Variants in HS2ST1 observed in about 807,000 individuals in gnomAD.
The protein encoded by HS2ST1 is 2-O-sulfotransferase.
HS2ST1 carries 18 observed loss-of-function variants against 42.9 expected under a neutral mutation model. The observed-to-expected ratio is 0.42, with a 90% CI of 0.29 to 0.62. The LOEUF is 0.62. Among genes scored for constraint, HS2ST1 ranks in the 20% least tolerant of loss-of-function variants. The pLI is 0.21. For missense variants in HS2ST1, 334 were observed against 433.8 expected (o/e 0.77, Z 2.04); for synonymous variants, 146 against 152.9 (o/e 0.95, Z 0.33).
intron 1 of HS2ST1, among the ~76,000 whole-genome samples, chr1:86,931,608 A>T (rs949794025): frequency 1.3e-5 from 2 of 152,076 alleles, no homozygotes; most frequent in Non-Finnish European, 2.9e-5. Context: ...GCATCTAGTG[A>T]TAAGAATTGA....
intron 1 of HS2ST1, among the ~76,000 whole-genome samples, chr1:87,050,697 A>G (rs1650809019): frequency 6.6e-6 from 1 of 152,130 alleles, no homozygotes; most frequent in Admixed American, 6.5e-5. Flanking sequence ...AATTTGTTAT[A>G]CCCTGTAATC....
intron 5 of HS2ST1, among the ~76,000 whole-genome samples, chr1:87,101,166 T>TTTG: frequency 8.2e-6 from 1 of 121,532 alleles, no homozygotes; most frequent in Non-Finnish European, 1.8e-5. Flanking sequence ...GTTTTTTTTT[T>TTTG]TTTTTTTTTT....
intron 1 of HS2ST1, among the ~76,000 whole-genome samples, chr1:86,984,447 A>G (rs980859505): frequency 4.6e-5 from 7 of 152,224 alleles, no homozygotes; most frequent in Non-Finnish European, 7.3e-5. Flanking sequence ...GAAGTGAGAG[A>G]AAATGGAGGT....
Position 86,971,288 on chromosome 1 carries a change from AAAAACAAAAC to A in HS2ST1, c.124+56148_124+56157del, listed in dbSNP as rs530493574. ...CTCCTCTGATTCCTGTCATTATTTA[AAAAACAAAAC>A]AAAACAAAACAAAACAAAAAAAAAC... On this transcript the variant is annotated intron_variant, in intron 1 of 6. Coordinates refer to ENST00000370550, the MANE Select transcript of HS2ST1 (RefSeq NM_012262.4). Among the ~76,000 whole-genome samples, 503 of 152,210 alleles carry A rather than the reference AAAAACAAAAC, an allele frequency of 3.3e-3. 2 individuals are homozygous for A. The highest frequency in any genetic ancestry group is 1.0e-2 in the African/African-American group (415 of 41,512).
rs192014515 is a variant in HS2ST1, at chr1:87,071,080, A to G, written c.125-1854A>G. 4.3e-4 allele frequency among the ~76,000 whole-genome samples: 66 copies of G among 152,350 alleles called. No individual in the cohort carries two copies. In the East Asian group the frequency reaches 8.9e-3, roughly 21 times the overall value. On this transcript the variant is annotated intron_variant, in intron 1 of 6. Coordinates refer to ENST00000370550, the MANE Select transcript of HS2ST1 (RefSeq NM_012262.4). The stretch of plus-strand genomic sequence containing the variant: ...AGAATAAAAGAGTATGTATATTTGC[A>G]TATAAATATATAACACATACGTATA...
chr1:87,068,126 G>T (rs916015322), intron 1 of HS2ST1, among the ~76,000 whole-genome samples: 8 of 152,088 alleles, frequency 5.3e-5, no homozygotes, highest in Admixed American at 3.3e-4. Flanking sequence ...GCTTGATGGG[G>T]ATAGCATTGA....
intron 1 of HS2ST1, among the ~76,000 whole-genome samples, chr1:86,963,809 T>A (rs1207834751): frequency 8.1e-6 from 1 of 124,012 alleles, no homozygotes; most frequent in Non-Finnish European, 1.6e-5. Flanking sequence ...CCTCCCCCCC[T>A]GGACGGGGCG....
At chr1:87,038,883 A>G (rs775422466) in intron 1 of HS2ST1, among the ~76,000 whole-genome samples, 2 of 152,182 alleles carry the variant, frequency 1.3e-5, no homozygotes, top group Non-Finnish European at 2.9e-5. Context: ...ACCTTTTTAA[A>G]AATACCTTTT....
Position 87,046,713 on chromosome 1 carries a change from G to A in HS2ST1, c.125-26221G>A. ...CTAGATGTAAAAAGCTGTGCATGTC[G>A]ATTTTATTTATTTTTGAGATGGAGT... On this transcript the variant is annotated intron_variant, in intron 1 of 6. Coordinates refer to ENST00000370550, the MANE Select transcript of HS2ST1 (RefSeq NM_012262.4). 11 of 1,028,514 alleles carry A rather than the reference G, an allele frequency of 1.1e-5. No homozygotes were observed. The South Asian group carries it at 1.1e-4, about 11-fold the overall frequency. The allele number at this position is 1,028,514 out of a possible 1,614,324, so 63.7% of individuals were successfully genotyped here.
rs145644988 is a variant in HS2ST1 at position 86,966,859 on chromosome 1, T to C, written c.124+51699T>C. Among the ~76,000 whole-genome samples the C allele has an allele frequency of 4.9e-3, 746 of 152,204 alleles. 8 individuals are homozygous for C. The highest frequency in any genetic ancestry group is 0.017 in the African/African-American group (702 of 41,524). On this transcript the variant is annotated intron_variant, in intron 1 of 6. Coordinates refer to ENST00000370550, the MANE Select transcript of HS2ST1 (RefSeq NM_012262.4). Reference sequence around the variant, plus strand: ...GATACAAATCTCTCTTACTAAACTTTAGTTTGGGTCATTTAAAAAAATAAT... The same window carrying C: ...GATACAAATCTCTCTTACTAAACTTCAGTTTGGGTCATTTAAAAAAATAAT...
intron 1 of HS2ST1, among the ~76,000 whole-genome samples, chr1:86,992,724 T>C (rs1474129420): frequency 6.6e-6 from 1 of 152,212 alleles, no homozygotes; most frequent in African/African-American, 2.4e-5. Flanking sequence ...TTTACCAGTC[T>C]TGGATTCATT....
intron 1 of HS2ST1, among the ~76,000 whole-genome samples, chr1:86,971,435 GT>G (rs1216526497): frequency 6.6e-6 from 1 of 151,988 alleles, no homozygotes. Context: ...TCTTAAATTT[GT>G]TTTAAGCCAA....
At chr1:87,037,946 T>C (rs1650423262) in intron 1 of HS2ST1, among the ~76,000 whole-genome samples, 1 of 152,046 alleles carries the variant, frequency 6.6e-6, no homozygotes, top group African/African-American at 2.4e-5. Context: ...TCATATTTTC[T>C]TATACATTCA....
rs55812524 is a variant in HS2ST1 at position 86,978,861 on chromosome 1, C to CT, written c.124+63722dup. Among the ~76,000 whole-genome samples, 227 of 98,634 alleles carry CT rather than the reference C, an allele frequency of 2.3e-3. 12 individuals carry two copies. The highest frequency in any genetic ancestry group is 7.7e-3 in the Middle Eastern group (1 of 130). 64.7% of individuals were successfully genotyped at this position (98,634 alleles called of 152,430 possible). On this transcript the variant is annotated intron_variant, in intron 1 of 6. Coordinates refer to ENST00000370550, the MANE Select transcript of HS2ST1 (RefSeq NM_012262.4). The stretch of plus-strand genomic sequence containing the variant: ...TTCCTAAGGGTTTTTACTTGTGAAT[C>CT]TTTTTTTTTTTTTTTTTTTTTGAGA...
intron 2 of HS2ST1, among the ~76,000 whole-genome samples, chr1:87,077,688 T>A (rs1651580178): frequency 6.6e-6 from 1 of 152,180 alleles, no homozygotes; most frequent in Admixed American, 6.5e-5. Flanking sequence ...ACTATATCCC[T>A]TATGTTTAGA....
rs1436418883 is a variant in HS2ST1, at chr1:87,105,458, G to C, written c.*762G>C. ...CATTAATATCAAAAAAGTAAGTTTA[G>C]TATTTGTTTCTCCATGGGTTATTTG... On this transcript the variant is annotated 3_prime_UTR_variant, in exon 7 of 7. Transcript: ENST00000370550. 16 of 152,294 alleles carry C rather than the reference G, an allele frequency of 1.1e-4. No homozygotes were observed. Among genetic ancestry groups the C allele is most frequent in the Admixed American group, 1.0e-3 (16 of 15,266 alleles). 9.4% of individuals were successfully genotyped at this position (152,294 alleles called of 1,614,324 possible). A position where few individuals can be genotyped will look rare whatever the true frequency, so the allele number is the denominator to read the frequency against.
At chr1:87,101,149 G>GTGTTTTTTTTTT (rs1557546421) in intron 5 of HS2ST1, among the ~76,000 whole-genome samples, 3 of 59,540 alleles carry the variant, frequency 5.0e-5, no homozygotes, top group Non-Finnish European at 8.9e-5. Context: ...GTGTGTGTGT[G>GTGTTTTTTTTTT]TTTTTTGTTT....
chr1:86,943,974 C>T (rs1295801457), intron 1 of HS2ST1, among the ~76,000 whole-genome samples: 1 of 151,990 alleles, frequency 6.6e-6, no homozygotes, highest in Non-Finnish European at 1.5e-5. Context: ...TTGCAGTGAG[C>T]CAAGACTGCG....
chr1:87,086,284 G>A (rs779423470), intron 3 of HS2ST1, among the ~76,000 whole-genome samples: 3 of 152,024 alleles, frequency 2.0e-5, no homozygotes, highest in Non-Finnish European at 4.4e-5. Flanking sequence ...TGAAACCCAC[G>A]AATTTGAAAG....
Sources: gnomAD v4.1 joint callset for allele counts (sites outside exome capture counted in the v4.1 genomes callset) on GRCh38, gnomAD v4.1.1 for gene constraint, MANE v1.5 for transcripts, NCBI Gene and HGNC (gene_info 2026-07-23, HGNC 2026-07-21) for gene names.